ZAN: variants seen among roughly 807,000 people sequenced by gnomAD.
The protein encoded by ZAN is zonadhesin.
ZAN carries 260 observed loss-of-function variants against 286.2 expected under a neutral mutation model. The observed-to-expected ratio is 0.91, with a 90% CI of 0.82 to 1.01. ZAN has a LOEUF of 1.01. Ranked by LOEUF, ZAN falls within the 50% of genes least tolerant of loss-of-function variation. The pLI is 0.00. For missense variants in ZAN, 3,410 were observed against 3,639.2 expected, an observed-to-expected ratio of 0.94 and a Z score of 1.62; for synonymous variants, 1,368 against 1,417.5, an observed-to-expected ratio of 0.97 and a Z score of 0.79.
chr7:100,785,928 G>C (rs1208680397), intron 36 of ZAN, 69 bp from the exon 37 acceptor site: 1 of 1,532,224 alleles, frequency 6.5e-7, no homozygotes, highest in Non-Finnish European at 8.8e-7. Flanking sequence ...CAAAGTGTTG[G>C]GATTACAGGC....
intron 7 of ZAN, among the ~76,000 whole-genome samples, chr7:100,741,187 A>G (rs10081274): frequency 3.2e-4 from 5 of 15,398 alleles, no homozygotes; most frequent in East Asian, 3.8e-3. Context: ...CGGACGGGGC[A>G]GCTGGCCGGG....
Position 100,785,997 on chromosome 7 carries a change from C to G in ZAN, c.6835C>G (p.Leu2279Val). The G allele has an allele frequency of 6.2e-7, 1 of 1,613,226 alleles. No homozygotes were observed. The highest frequency in any genetic ancestry group is 8.5e-7 in the Non-Finnish European group (1 of 1,179,644). The part of the protein sequence containing the change: ...CKDAHGGSIP[L>V]GKSWVSSGCT... Reference sequence around the variant, plus strand: ...CTTTCTCTTCCTGTAACTTCTACAGCTGGGCAAGAGCTGGGTCTCCAGCGG... The same window carrying G: ...CTTTCTCTTCCTGTAACTTCTACAGGTGGGCAAGAGCTGGGTCTCCAGCGG... Residue 2279 changes from leucine to valine, a missense_variant and splice_region_variant, in exon 37 of 48, where the codon CTG (leucine) becomes GTG (valine). Physicochemically the swap from Leu to Val is conservative, Grantham distance 32. Coordinates refer to ENST00000613979, the MANE Select transcript of ZAN (RefSeq NM_003386.3).
chr7:100,769,503 T>C (rs1387306612), intron 27 of ZAN, among the ~76,000 whole-genome samples: 1 of 151,450 alleles, frequency 6.6e-6, no homozygotes, highest in Non-Finnish European at 1.5e-5. Flanking sequence ...CTCTTCCCTT[T>C]CTTCCTTCCT....
chr7:100,764,947 AG>A (rs1809850922), intron 22 of ZAN, among the ~76,000 whole-genome samples: 3 of 151,792 alleles, frequency 2.0e-5, no homozygotes, highest in Non-Finnish European at 2.9e-5. Context: ...GGCCCTAGGC[AG>A]GGGAGGCAAC....
Position 100,789,356 on chromosome 7 carries a change from G to T in ZAN, c.7357+9G>T. On this transcript the variant is annotated intron_variant, in intron 39 of 47. Coordinates refer to ENST00000613979, the MANE Select transcript of ZAN (RefSeq NM_003386.3). ...TGGAAGGAAAAATGCAGGTAATGGAGAGAGGGGAAAGAAGAGCAAAAGGGC... is the reference window on the plus strand; with the variant it reads ...TGGAAGGAAAAATGCAGGTAATGGATAGAGGGGAAAGAAGAGCAAAAGGGC... The T allele has an allele frequency of 6.2e-7, 1 of 1,612,568 alleles. No homozygotes were observed. The highest frequency in any genetic ancestry group is 8.5e-7 in the Non-Finnish European group (1 of 1,179,068).
rs1295865027 is a variant in ZAN, at chr7:100,782,841, G to T, written c.6623-1782G>T. 2.6e-5 allele frequency among the ~76,000 whole-genome samples: 4 copies of T among 152,246 alleles called. No homozygotes were observed. In the East Asian group the frequency reaches 7.7e-4, roughly 29 times the overall value. On this transcript the variant is annotated intron_variant, in intron 35 of 47. Coordinates refer to ENST00000613979, the MANE Select transcript of ZAN (RefSeq NM_003386.3). ...ACTAGTCTGTCTTTGCGCAGGGACTGAGATACCACAATTTATCATATACTA... is the reference window on the plus strand; with the variant it reads ...ACTAGTCTGTCTTTGCGCAGGGACTTAGATACCACAATTTATCATATACTA...
Position 100,784,709 on chromosome 7 carries a change from G to A in ZAN, c.6709G>A (p.Gly2237Ser). 6.2e-7 allele frequency: 1 copy of A among 1,613,892 alleles called. No individual in the cohort carries two copies. Among genetic ancestry groups the A allele is most frequent in the Non-Finnish European group, 8.5e-7 (1 of 1,179,886 alleles). The change falls in exon 36 of 48, where the codon GGC becomes AGC. Residue 2237 changes from glycine to serine, a missense_variant. Gly to Ser is a moderately conservative substitution (Grantham distance 56, BLOSUM62 0). Transcript: ENST00000613979. ...CTGGGACCTGGATGGCCGGTGTGAG[G>A]GCGCCAAAGTCCCCTCTGCCTGCGC... ...SCWDLDGRCE[G>S]AKVPSACAEG...
Position 100,735,796 on chromosome 7 carries a change from A to G in ZAN, c.106+24A>G. ...CTGTGAGTTGGAAACCAGGAGTGCTAAGATTTCTCCTCCCTCCTCCGAACC... is the reference window on the plus strand; with the variant it reads ...CTGTGAGTTGGAAACCAGGAGTGCTGAGATTTCTCCTCCCTCCTCCGAACC... On this transcript the variant is annotated intron_variant, in intron 3 of 47. Transcript: ENST00000613979. The G allele has an allele frequency of 1.4e-6, 2 of 1,465,196 alleles. 1 individual carries two copies. Among genetic ancestry groups the G allele is most frequent in the Non-Finnish European group, 1.9e-6 (2 of 1,069,726 alleles). The allele number at this position is 1,465,196 out of a possible 1,614,324, so 90.8% of individuals were successfully genotyped here.
At chr7:100,781,852 C>T (rs1811215375) in intron 35 of ZAN, among the ~76,000 whole-genome samples, 1 of 151,934 alleles carries the variant, frequency 6.6e-6, no homozygotes, top group South Asian at 2.1e-4. Context: ...ATTGGCCAGG[C>T]TGGTCTTGAA....
At chr7:100,736,414 C>A (rs2115571541) in intron 3 of ZAN, 69 bp from the exon 4 acceptor site, 1 of 1,449,770 alleles carries the variant, frequency 6.9e-7, no homozygotes, top group Non-Finnish European at 9.6e-7. Flanking sequence ...TGCTACTTCC[C>A]TCTCCCTGTG....
chr7:100,776,811 C>A (rs1200497181), intron 34 of ZAN, among the ~76,000 whole-genome samples: 1 of 132,096 alleles, frequency 7.6e-6, no homozygotes, highest in African/African-American at 2.8e-5. Flanking sequence ...CGGCTCACTG[C>A]AAGCTCTGCT....
In ZAN at chr7:100,750,827, G is replaced by A. The variant is rs760276465; in HGVS notation, c.1452G>A (p.Val484=). 6.2e-7 allele frequency: 1 copy of A among 1,601,260 alleles called. No individual in the cohort carries two copies. Among genetic ancestry groups the A allele is most frequent in the Non-Finnish European group, 8.5e-7 (1 of 1,172,404 alleles). ...CCCCGATTCCTCTCTGGAAACGCGT[G>A]GGGTCTCAGCGCCCTTACTGGCAGA... ...GSPPIPLWKR[V]GSQRPYWQNT... Residue 484 remains valine (V), a synonymous_variant, in exon 12 of 48, where the codon GTG becomes GTA. Transcript: ENST00000613979.
chr7:100,755,272 T>C lies in ZAN; in HGVS notation c.3171T>C (p.Ala1057=). 1 of 1,613,876 alleles carries C rather than the reference T, an allele frequency of 6.2e-7. No homozygotes were observed. Among genetic ancestry groups the C allele is most frequent in the South Asian group, 1.1e-5 (1 of 91,082 alleles). ...GCTACGAATCCTGTGCTTGTCCTGC[T>C]TCGTGCAAGAGCCCCAGGCCTAGCT... is the stretch of plus-strand genomic sequence containing the variant. ...NARYESCACP[A]SCKSPRPSCG... is the part of the protein sequence containing the mutation. The change falls in exon 15 of 48, where the codon GCT becomes GCC. Residue 1057 remains alanine, a synonymous_variant. Transcript: ENST00000613979.
At chr7:100,775,091 AT>A (rs879412093) in intron 31 of ZAN, among the ~76,000 whole-genome samples, 35 of 151,730 alleles carry the variant, frequency 2.3e-4, no homozygotes, top group Middle Eastern at 3.4e-3. Flanking sequence ...CCACACCCTA[AT>A]TTTTTTGTAT....
At chr7:100,750,980 G>C in intron 12 of ZAN, 84 bp downstream of exon 12, 4 of 1,502,114 alleles carry the variant, frequency 2.7e-6, no homozygotes, top group Non-Finnish European at 3.5e-6. Context: ...GTGCTGAAGA[G>C]GTGGAAAGCT....
chr7:100,780,474 G>C (rs1014497189), intron 35 of ZAN, among the ~76,000 whole-genome samples: 6 of 151,676 alleles, frequency 4.0e-5, no homozygotes, highest in Non-Finnish European at 8.8e-5. Flanking sequence ...AGGAGTTCGA[G>C]ACCAGCCTGG....
intron 15 of ZAN, among the ~76,000 whole-genome samples, chr7:100,757,750 G>A (rs1227810523): frequency 4.2e-5 from 5 of 119,854 alleles, no homozygotes; most frequent in African/African-American, 6.5e-5. Flanking sequence ...GTGAGACTCC[G>A]TCTCAAAAAA....
Position 100,759,838 on chromosome 7 carries a change from G to A in ZAN, c.3689G>A (p.Arg1230His), listed in dbSNP as rs372765266. 1.4e-5 allele frequency: 22 copies of A among 1,612,438 alleles called. No individual in the cohort carries two copies. Among genetic ancestry groups the A allele is most frequent in the African/African-American group, 9.4e-5 (7 of 74,848 alleles). The change falls in exon 18 of 48, where the codon CGC becomes CAC. Residue 1230 changes from arginine to histidine, a missense_variant. Arg to His is a conservative substitution (Grantham distance 29). Around this residue, in one of 7 missense-constraint regions of ZAN, gnomAD observed 1,042 missense variants for 1,058.0 expected, o/e 0.98. Coordinates refer to ENST00000613979, the MANE Select transcript of ZAN (RefSeq NM_003386.3). ...ACCGTCACCCTGCTTAAGGGCAGACGCACTCTGGTGAGCCCCATTCCACCC... is the reference window on the plus strand; with the variant it reads ...ACCGTCACCCTGCTTAAGGGCAGACACACTCTGGTGAGCCCCATTCCACCC... ...ESTVTLLKGR[R>H]TLVGGQQVTL...
Position 100,775,853 on chromosome 7 carries a change from C to T in ZAN, c.6192+20C>T. The stretch of plus-strand genomic sequence containing the variant: ...GGAAAGGTGAGGAAAACATCTGGCT[C>T]TTCTCGCTGGGGAGGCAGCCCCAGG... On this transcript the variant is annotated intron_variant, in intron 33 of 47. Coordinates refer to ENST00000613979, the MANE Select transcript of ZAN (RefSeq NM_003386.3). 2 of 1,611,656 alleles carry T rather than the reference C, an allele frequency of 1.2e-6. No homozygotes were observed. The highest frequency in any genetic ancestry group is 1.7e-6 in the Non-Finnish European group (2 of 1,178,726).
Sources: allele counts gnomAD v4.1 joint callset (sites outside exome capture counted in the v4.1 genomes callset), GRCh38; gene constraint gnomAD v4.1.1; regional missense constraint gnomAD v4.1.1; transcripts MANE v1.5; gene names NCBI Gene and HGNC (gene_info 2026-07-23, HGNC 2026-07-21).